The following USP12 variants were observed in gnomAD, a reference collection of about 807,000 sequenced individuals.
The protein encoded by USP12 is ubiquitin specific peptidase 12, also known as ubiquitin carboxyl-terminal hydrolase 12.
A neutral mutation model predicts 45.5 loss-of-function variants in USP12; 19 were observed. That is an observed-to-expected ratio of 0.42 (90% CI 0.29 to 0.61). The LOEUF is 0.61. USP12 is among the 20% of genes least tolerant of loss of function. USP12 has a pLI of 0.22. For missense variants in USP12, 242 were observed against 447.7 expected (o/e 0.54, Z 4.15); for synonymous variants, 149 against 148.8 (o/e 1.00, Z -0.01).
intron 1 of USP12, chr13:27,117,627 G>C: frequency 2.8e-6 from 1 of 351,976 alleles, no homozygotes. Context: ...GTGTGTGTGT[G>C]TTTAATAGCA....
intron 6 of USP12, among the ~76,000 whole-genome samples, chr13:27,079,271 G>A (rs76444779): frequency 0.02 from 2,965 of 151,818 alleles, 128 homozygotes; most frequent in African/African-American, 0.069. Context: ...TCAATCTCAA[G>A]CAAAATCCCA....
At position 27,086,910 on chromosome 13, in the gene USP12, C is replaced by T. The variant is rs191672810; in HGVS notation, c.734+2973G>A. On this transcript the variant is annotated intron_variant, in intron 6 of 8. Transcript: ENST00000282344. ...AACAGTGAGTAATCTGTTTTGATTC[C>T]GTGGTCCATTACCAAAAACACTTTC... 7.9e-5 allele frequency among the ~76,000 whole-genome samples: 12 copies of T among 152,266 alleles called. No individual in the cohort carries two copies. The East Asian group carries it at 9.7e-4, about 12-fold the overall frequency.
chr13:27,168,975 A>T (rs1204117182), intron 1 of USP12: 1 of 152,200 alleles, frequency 6.6e-6, no homozygotes, highest in Non-Finnish European at 1.5e-5. Flanking sequence ...AGTCCAGCCC[A>T]TCTTCTCTCC....
rs144174598 is a variant in USP12 at position 27,153,398 on chromosome 13, T to C, written c.48+18194A>G. ...TTTTGTTTTTTAGATAAAACATATA[T>C]ACATATGCATACAAAAACATATAAA... On this transcript the variant is annotated intron_variant, in intron 1 of 8. Transcript: ENST00000282344. Among the ~76,000 whole-genome samples, 49 of 152,366 alleles carry C rather than the reference T, an allele frequency of 3.2e-4. No homozygotes were observed. In the East Asian group the frequency reaches 8.9e-3, roughly 28 times the overall value.
chr13:27,145,124 T>C (rs1401190585), intron 1 of USP12, among the ~76,000 whole-genome samples: 1 of 152,142 alleles, frequency 6.6e-6, no homozygotes, highest in Admixed American at 6.5e-5. Context: ...AATGTAGCCA[T>C]CCCACTCTTC....
chr13:27,093,977 C>T (rs1323264920), intron 4 of USP12, among the ~76,000 whole-genome samples: 1 of 152,116 alleles, frequency 6.6e-6, no homozygotes, highest in African/African-American at 2.4e-5. Flanking sequence ...CTGGAAAAGG[C>T]AAAACTATGG....
chr13:27,081,618 A>T (rs1873763720), intron 6 of USP12, among the ~76,000 whole-genome samples: 1 of 152,226 alleles, frequency 6.6e-6, no homozygotes, highest in Non-Finnish European at 1.5e-5. Context: ...GGCACCCAGA[A>T]TGGTGAATCC....
At chr13:27,167,541 A>T (rs1878403714) in intron 1 of USP12, among the ~76,000 whole-genome samples, 1 of 151,590 alleles carries the variant, frequency 6.6e-6, no homozygotes, top group South Asian at 2.1e-4. Flanking sequence ...AGGTTTTCTT[A>T]TTTTTTTTAA....
intron 4 of USP12, among the ~76,000 whole-genome samples, chr13:27,095,236 A>G (rs1299749267): frequency 6.6e-6 from 1 of 152,176 alleles, no homozygotes; most frequent in Non-Finnish European, 1.5e-5. Flanking sequence ...CCAACAATGG[A>G]TACTAAAGGT....
chr13:27,156,856 T>C (rs980699850), intron 1 of USP12, among the ~76,000 whole-genome samples: 8 of 152,012 alleles, frequency 5.3e-5, no homozygotes, highest in African/African-American at 1.9e-4. Context: ...AAAAATGATT[T>C]TATGGTTGTC....
At chr13:27,143,280 T>C (rs1335819196) in intron 1 of USP12, among the ~76,000 whole-genome samples, 2 of 151,980 alleles carry the variant, frequency 1.3e-5, no homozygotes, top group African/African-American at 2.4e-5. Context: ...AGGAGAACAA[T>C]AAAGGGGAAA....
intron 8 of USP12, among the ~76,000 whole-genome samples, chr13:27,070,689 G>C (rs1026302484): frequency 6.6e-6 from 1 of 152,086 alleles, no homozygotes; most frequent in African/African-American, 2.4e-5. Flanking sequence ...GAGTAGCTGG[G>C]ATTACAGGCA....
At chr13:27,171,309 C>T (rs1258073488) in intron 1 of USP12, among the ~76,000 whole-genome samples, 3 of 149,700 alleles carry the variant, frequency 2.0e-5, no homozygotes, top group African/African-American at 7.3e-5. Context: ...GAGGCCGGTG[C>T]CCGCCCGACG....
intron 6 of USP12, among the ~76,000 whole-genome samples, chr13:27,087,237 T>C (rs1314515333): frequency 2.3e-5 from 3 of 131,374 alleles, no homozygotes; most frequent in Admixed American, 8.4e-5. Context: ...AATAAGTAAA[T>C]ATAGTGGGGA....
intron 6 of USP12, among the ~76,000 whole-genome samples, chr13:27,086,197 A>AATATATATATATATATAT (rs1555233236): frequency 3.5e-4 from 20 of 56,908 alleles, no homozygotes; most frequent in Non-Finnish European, 4.7e-4. Context: ...AAAAAAAAAA[A>AATATATATATATATATAT]ATATATATAT....
chr13:27,108,956 A>G (rs1479710362), intron 2 of USP12, among the ~76,000 whole-genome samples: 5 of 151,662 alleles, frequency 3.3e-5, no homozygotes, highest in African/African-American at 1.2e-4. Context: ...AAAGATACAT[A>G]TGTGTGTGTG....
intron 6 of USP12, among the ~76,000 whole-genome samples, chr13:27,080,890 A>G (rs1049948016): frequency 6.6e-6 from 1 of 152,234 alleles, no homozygotes; most frequent in African/African-American, 2.4e-5. Flanking sequence ...TGCTTAAAAA[A>G]TGATCATCTG....
chr13:27,090,357 C>G (rs772225408), intron 4 of USP12, among the ~76,000 whole-genome samples, 199 bp from the exon 5 acceptor site: 7 of 152,120 alleles, frequency 4.6e-5, no homozygotes, highest in Non-Finnish European at 8.8e-5. Context: ...AAATAAAACA[C>G]CAAAGTACAC....
chr13:27,144,499 TAAAA>T (rs56311173), intron 1 of USP12, among the ~76,000 whole-genome samples: 30 of 118,034 alleles, frequency 2.5e-4, no homozygotes, highest in Admixed American at 1.1e-3. Context: ...AGACTCTCTT[TAAAA>T]AAAAAAAAAA....
Sources: gnomAD v4.1 joint callset for allele counts (sites outside exome capture counted in the v4.1 genomes callset) on GRCh38, gnomAD v4.1.1 for gene constraint, MANE v1.5 for transcripts, NCBI Gene and HGNC (gene_info 2026-07-23, HGNC 2026-07-21) for gene names.